The following COLEC11 variants were observed in gnomAD, a reference collection of about 807,000 sequenced individuals.
COLEC11 encodes the protein collectin subfamily member 11, also known as collectin-11.
A neutral mutation model predicts 27.3 loss-of-function variants in COLEC11; 20 were observed. The ratio of observed to expected loss-of-function variants is 0.73; its 90% CI spans 0.51 to 1.06. The LOEUF (loss-of-function observed/expected upper bound fraction) is 1.06. Among genes scored for constraint, COLEC11 ranks in the 50% least tolerant of loss-of-function variants. The pLI, the probability that COLEC11 is intolerant of heterozygous loss-of-function variation, is 0.00. For synonymous variants in COLEC11, 163 were observed against 154.7 expected (o/e 1.05, Z -0.40); for missense variants, 310 against 383.0 (o/e 0.81, Z 1.59).
intron 3 of COLEC11, among the ~76,000 whole-genome samples, chr2:3,624,844 T>A (rs989752839): frequency 6.6e-6 from 1 of 152,230 alleles, no homozygotes; most frequent in African/African-American, 2.4e-5. Context: ...GCCATCCTCC[T>A]AACATCACCC....
At chr2:3,637,209 G>A (rs2147953743) in intron 3 of COLEC11, among the ~76,000 whole-genome samples, 1 of 152,284 alleles carries the variant, frequency 6.6e-6, no homozygotes, top group East Asian at 1.9e-4. Flanking sequence ...GAGGAAAGAC[G>A]AGCTCTCGTC....
At chr2:3,616,757 AG>A (rs1663779586) in intron 3 of COLEC11, among the ~76,000 whole-genome samples, 4 of 146,980 alleles carry the variant, frequency 2.7e-5, no homozygotes, top group African/African-American at 8.1e-5. Context: ...GTGGAAAGAG[AG>A]GGAGAGGGAG....
chr2:3,614,743 C>T (rs1219543156), intron 3 of COLEC11, among the ~76,000 whole-genome samples: 1 of 152,114 alleles, frequency 6.6e-6, no homozygotes, highest in Non-Finnish European at 1.5e-5. Context: ...ACATGAGTAT[C>T]TAGATTGAAC....
chr2:3,624,051 TTC>T (rs1664358983), intron 3 of COLEC11, among the ~76,000 whole-genome samples: 1 of 152,218 alleles, frequency 6.6e-6, no homozygotes, highest in African/African-American at 2.4e-5. Context: ...CACCTTTTGC[TTC>T]TCTTGGAGAG....
intron 5 of COLEC11, among the ~76,000 whole-genome samples, chr2:3,642,566 G>A (rs1665947993): frequency 1.3e-5 from 2 of 152,048 alleles, no homozygotes; most frequent in African/African-American, 2.4e-5. Flanking sequence ...AGCAATTCTT[G>A]TCTTAAAGCA....
chr2:3,606,184 C>T, intron 2 of COLEC11: 3 of 1,550,440 alleles, frequency 1.9e-6, no homozygotes, highest in Non-Finnish European at 2.6e-6. Context: ...AGGTCACGTC[C>T]CTGCCCAATG....
chr2:3,613,722 C>T (rs766479569), intron 3 of COLEC11, among the ~76,000 whole-genome samples: 11 of 152,166 alleles, frequency 7.2e-5, no homozygotes, highest in Non-Finnish European at 1.5e-4. Context: ...ATGAAGGCGG[C>T]GTGGCAGAGT....
rs147857435 is a variant in COLEC11 at position 3,616,857 on chromosome 2, T to C, written c.202+3475T>C. Among the ~76,000 whole-genome samples the C allele has an allele frequency of 4.5e-4, 69 of 152,308 alleles. 1 individual carries two copies. The highest frequency in any genetic ancestry group is 1.6e-3 in the African/African-American group (67 of 41,578). On this transcript the variant is annotated intron_variant, in intron 3 of 6. Transcript: ENST00000349077. ...AGGACTGGAACATTCTTATTTCACT[T>C]AGCGTAATGCCCTCCAGGTTCATCC...
intron 1 of COLEC11, among the ~76,000 whole-genome samples, chr2:3,597,753 G>A (rs1035583712): frequency 1.3e-5 from 2 of 151,972 alleles, no homozygotes; most frequent in African/African-American, 4.8e-5. Flanking sequence ...TGAGTGGGTG[G>A]GGAGGAAGAG....
intron 3 of COLEC11, among the ~76,000 whole-genome samples, chr2:3,636,196 G>A (rs1486595668): frequency 2.0e-5 from 3 of 152,178 alleles, no homozygotes; most frequent in Admixed American, 1.3e-4. Context: ...AGTGGCTCAC[G>A]CCGTAATCCC....
intron 1 of COLEC11, among the ~76,000 whole-genome samples, chr2:3,600,471 CCT>C (rs1158599283): frequency 3.3e-5 from 5 of 152,156 alleles, no homozygotes; most frequent in African/African-American, 4.8e-5. Flanking sequence ...GGGAGGATCC[CCT>C]GAGCCCAGGA....
chr2:3,599,953 C>T (rs541206434), intron 1 of COLEC11, among the ~76,000 whole-genome samples: 9 of 152,258 alleles, frequency 5.9e-5, no homozygotes, highest in African/African-American at 1.4e-4. Flanking sequence ...AACTCAAAAG[C>T]GGCCAGGCAC....
chr2:3,613,557 C>T (rs542916123), intron 3 of COLEC11, among the ~76,000 whole-genome samples, 175 bp downstream of exon 3: 5 of 152,214 alleles, frequency 3.3e-5, no homozygotes, highest in African/African-American at 1.2e-4. Flanking sequence ...GAGAGTGGTC[C>T]TTCAGCACTG....
At chr2:3,599,670 G>T (rs1361633882) in intron 1 of COLEC11, among the ~76,000 whole-genome samples, 1 of 152,212 alleles carries the variant, frequency 6.6e-6, no homozygotes, top group Non-Finnish European at 1.5e-5. Context: ...ATTTGTAGCT[G>T]TCCCTCACCC....
chr2:3,642,019 A>G (rs1665904929), intron 5 of COLEC11, among the ~76,000 whole-genome samples: 1 of 152,242 alleles, frequency 6.6e-6, no homozygotes, highest in South Asian at 2.1e-4. Context: ...TCACAGGAAG[A>G]AGGTTAGGGT....
intron 3 of COLEC11, among the ~76,000 whole-genome samples, chr2:3,630,701 G>T (rs1247836060): frequency 6.6e-6 from 1 of 152,188 alleles, no homozygotes; most frequent in Non-Finnish European, 1.5e-5. Context: ...AGCTTCCTGG[G>T]CATTTTTCTG....
At chr2:3,609,352 A>ATTTTTTTTTTTTT (rs567474674) in intron 2 of COLEC11, among the ~76,000 whole-genome samples, 9 of 87,488 alleles carry the variant, frequency 1.0e-4, no homozygotes, top group East Asian at 3.1e-4. Context: ...TTTTTCTTTG[A>ATTTTTTTTTTTTT]TTTTTTTTTT....
chr2:3,609,003 C>T lies in COLEC11; in HGVS notation c.131-4308C>T, dbSNP rs541560726. On this transcript the variant is annotated intron_variant, in intron 2 of 6. Coordinates refer to ENST00000349077, the MANE Select transcript of COLEC11 (RefSeq NM_024027.5). Reference sequence around the variant, plus strand: ...TTTTGCACAGGAAGGAAAGCAGTTTCTGACTCCAGGTTTGGGTTCCCCACA... The same window carrying T: ...TTTTGCACAGGAAGGAAAGCAGTTTTTGACTCCAGGTTTGGGTTCCCCACA... 4.4e-4 allele frequency among the ~76,000 whole-genome samples: 67 copies of T among 152,346 alleles called. No individual in the cohort carries two copies. In the South Asian group the frequency reaches 8.3e-3, roughly 19 times the overall value.
chr2:3,634,651 C>T (rs1665253370), intron 3 of COLEC11, among the ~76,000 whole-genome samples: 1 of 152,130 alleles, frequency 6.6e-6, no homozygotes, highest in Non-Finnish European at 1.5e-5. Context: ...ATTGTCATGA[C>T]TCAGAACAGC....
Sources: gnomAD v4.1 joint callset for allele counts (sites outside exome capture counted in the v4.1 genomes callset) on GRCh38, gnomAD v4.1.1 for gene constraint, MANE v1.5 for transcripts, NCBI Gene and HGNC (gene_info 2026-07-23, HGNC 2026-07-21) for gene names.